Variants in RAPGEF1 observed in about 807,000 individuals in gnomAD.
The protein encoded by RAPGEF1 is Rap guanine nucleotide exchange factor 1.
RAPGEF1 carries 33 observed loss-of-function variants against 143.3 expected under a neutral mutation model. That is an observed-to-expected ratio of 0.23 (90% CI 0.17 to 0.31). RAPGEF1 has a LOEUF of 0.31. Among genes scored for constraint, RAPGEF1 ranks in the 10% least tolerant of loss-of-function variants. The pLI is 1.00. For missense variants in RAPGEF1, 1,199 were observed against 1,645.4 expected, an observed-to-expected ratio of 0.73 and a Z score of 4.69; for synonymous variants, 629 against 676.5, an observed-to-expected ratio of 0.93 and a Z score of 1.09.
Position 131,592,149 on chromosome 9 carries a change from G to C in RAPGEF1, c.2724C>G (p.Thr908=). The change falls in exon 18 of 27, where the codon ACC becomes ACG. Residue 908 remains threonine (T), a synonymous_variant. Transcript: ENST00000683357. ...CCTCTGGGGAGATGAAGGTCCTGTA[G>C]GTGGTCAGGAATGCCTCGCAGTACA... The part of the protein sequence containing the change: ...LVLYCEAFLT[T]YRTFISPEEL... The C allele has an allele frequency of 1.2e-6, 2 of 1,612,520 alleles. No homozygotes were observed. Among genetic ancestry groups the C allele is most frequent in the Non-Finnish European group, 1.7e-6 (2 of 1,178,794 alleles).
chr9:131,599,715 G>T (rs1277335954), intron 15 of RAPGEF1, among the ~76,000 whole-genome samples: 2 of 152,164 alleles, frequency 1.3e-5, no homozygotes, highest in Non-Finnish European at 2.9e-5. Flanking sequence ...TGGGCCTACA[G>T]ATATGCCTGG....
intron 3 of RAPGEF1, among the ~76,000 whole-genome samples, chr9:131,649,281 G>A (rs926189018): frequency 2.2e-5 from 3 of 138,696 alleles, no homozygotes; most frequent in South Asian, 2.2e-4. Context: ...TCTTGAACTC[G>A]TGACCTCAGG....
rs1307397734 is a variant in RAPGEF1 at position 131,621,189 on chromosome 9, G to T, written c.1905+607C>A. On this transcript the variant is annotated intron_variant, in intron 11 of 26. Coordinates refer to ENST00000683357, the MANE Select transcript of RAPGEF1 (RefSeq NM_001377935.1). The surrounding 1 kb of genome is among the most constrained non-coding windows in gnomAD (Gnocchi z 4.5). ...CCCACGGTGGAACAGCTTGCCTTCT[G>T]TGCTGGCCCGTGCTTCCTTACATGC... 6.6e-6 allele frequency among the ~76,000 whole-genome samples: 1 copy of T among 152,268 alleles called. No homozygotes were observed. Among genetic ancestry groups the T allele is most frequent in the Non-Finnish European group, 1.5e-5 (1 of 68,048 alleles).
chr9:131,691,029 A>C (rs1356046277), intron 1 of RAPGEF1, among the ~76,000 whole-genome samples: 1 of 152,200 alleles, frequency 6.6e-6, no homozygotes, highest in Non-Finnish European at 1.5e-5. Context: ...TTATCAAGAC[A>C]ATTTCTTGCG....
chr9:131,713,064 G>C (rs1448676767), intron 1 of RAPGEF1, among the ~76,000 whole-genome samples: 1 of 152,072 alleles, frequency 6.6e-6, no homozygotes, highest in African/African-American at 2.4e-5. Flanking sequence ...CACATTTCAG[G>C]GAGACAACAG....
At chr9:131,599,497 G>A (rs1179062933) in intron 15 of RAPGEF1, among the ~76,000 whole-genome samples, 2 of 151,860 alleles carry the variant, frequency 1.3e-5, no homozygotes, top group African/African-American at 4.8e-5. Context: ...AGCCCAGAAG[G>A]GTACCATGAG....
Position 131,626,307 on chromosome 9 carries a change from C to A in RAPGEF1, c.1317G>T (p.Gly439=). Residue 439 remains glycine (G), a synonymous_variant, in exon 10 of 27, where the codon GGG becomes GGT. Coordinates refer to ENST00000683357, the MANE Select transcript of RAPGEF1 (RefSeq NM_001377935.1). The part of the protein sequence containing the change: ...SPLPESLGES[G]SPFLGPPFQL... ...GGAAAGGAGGGCCAAGAAATGGAGACCCAGACTCCCCCAAAGACTCTGGCA... is the reference window on the plus strand; with the variant it reads ...GGAAAGGAGGGCCAAGAAATGGAGAACCAGACTCCCCCAAAGACTCTGGCA... 1.2e-6 allele frequency: 2 copies of A among 1,614,014 alleles called. No individual in the cohort carries two copies. The highest frequency in any genetic ancestry group is 1.7e-6 in the Non-Finnish European group (2 of 1,179,890).
chr9:131,662,253 A>G (rs990926715), intron 1 of RAPGEF1, among the ~76,000 whole-genome samples: 1 of 152,052 alleles, frequency 6.6e-6, no homozygotes, highest in African/African-American at 2.4e-5. Context: ...CCCATCTTAA[A>G]GACCCGAGTC....
chr9:131,734,655 T>C (rs767846851), intron 1 of RAPGEF1, among the ~76,000 whole-genome samples: 7 of 152,174 alleles, frequency 4.6e-5, no homozygotes, highest in African/African-American at 7.2e-5. Flanking sequence ...GAGTTTAAAA[T>C]TGATCGAAAT....
chr9:131,705,823 CA>C (rs1468857571), intron 1 of RAPGEF1, among the ~76,000 whole-genome samples: 1 of 152,158 alleles, frequency 6.6e-6, no homozygotes, highest in East Asian at 1.9e-4. Context: ...AGGGTGACAG[CA>C]GGTGGAGGCT....
intron 1 of RAPGEF1, among the ~76,000 whole-genome samples, chr9:131,718,649 T>C (rs571582177): frequency 8.1e-4 from 123 of 152,224 alleles, no homozygotes; most frequent in African/African-American, 2.8e-3. Context: ...CAAACCAAGA[T>C]TTCTAAGCCT....
intron 1 of RAPGEF1, among the ~76,000 whole-genome samples, chr9:131,707,417 A>G (rs1000047436): frequency 2.6e-5 from 4 of 152,106 alleles, no homozygotes; most frequent in African/African-American, 4.8e-5. Context: ...TATACAGTAT[A>G]TTTTGCTGAA....
intron 5 of RAPGEF1, among the ~76,000 whole-genome samples, chr9:131,638,008 C>T (rs1283867666): frequency 3.3e-5 from 5 of 152,242 alleles, no homozygotes; most frequent in South Asian, 2.1e-4. Flanking sequence ...AGGCCCTTAC[C>T]TGGTTCATGT....
intron 1 of RAPGEF1, among the ~76,000 whole-genome samples, chr9:131,734,955 C>G (rs970219690): frequency 2.0e-5 from 3 of 152,246 alleles, no homozygotes; most frequent in Non-Finnish European, 4.4e-5. Flanking sequence ...TCCAAGGTGA[C>G]AGGAGCTACA....
chr9:131,687,282 C>T (rs1379473211), intron 1 of RAPGEF1, among the ~76,000 whole-genome samples: 1 of 152,206 alleles, frequency 6.6e-6, no homozygotes, highest in African/African-American at 2.4e-5. Context: ...CCTCCACTTT[C>T]CAGGTTCAAG....
intron 10 of RAPGEF1, among the ~76,000 whole-genome samples, chr9:131,623,150 C>T (rs1961741300): frequency 6.6e-6 from 1 of 152,064 alleles, no homozygotes; most frequent in Non-Finnish European, 1.5e-5. Context: ...ATCCCAAGCA[C>T]CCACAAACTG....
At chr9:131,732,846 C>T (rs546205228) in intron 1 of RAPGEF1, among the ~76,000 whole-genome samples, 1 of 152,318 alleles carries the variant, frequency 6.6e-6, no homozygotes, top group African/African-American at 2.4e-5. Context: ...GTAATGGCAC[C>T]GCAGTGGTAG....
chr9:131,685,381 T>C (rs1289697226), intron 1 of RAPGEF1, among the ~76,000 whole-genome samples: 1 of 152,194 alleles, frequency 6.6e-6, no homozygotes, highest in African/African-American at 2.4e-5. Flanking sequence ...CACTGGGACA[T>C]TTTCATGATG....
chr9:131,580,789 G>A (rs116123771), intron 25 of RAPGEF1, among the ~76,000 whole-genome samples: 1,532 of 152,294 alleles, frequency 0.01, 26 homozygotes, highest in African/African-American at 0.035. Context: ...TGGGTGCAAT[G>A]GCTCACACCT....
Sources: gnomAD v4.1 joint callset for allele counts (sites outside exome capture counted in the v4.1 genomes callset) on GRCh38, gnomAD v4.1.1 for gene constraint, Gnocchi (gnomAD v3.1) non-coding constraint, MANE v1.5 for transcripts, NCBI Gene and HGNC (gene_info 2026-07-23, HGNC 2026-07-21) for gene names.